Variants in SBF2 observed in about 807,000 individuals in gnomAD.
SBF2 encodes the protein SET binding factor 2, also known as myotubularin-related protein 13.
SBF2 carries 112 observed loss-of-function variants against 225.2 expected under a neutral mutation model. The observed-to-expected ratio is 0.50, with a 90% CI of 0.43 to 0.58. SBF2 has a LOEUF of 0.58. SBF2 is among the 20% of genes least tolerant of loss of function. The pLI is 0.00. For missense variants in SBF2, 1,996 were observed against 2,206.2 expected (o/e 0.90, Z 1.91); for synonymous variants, 763 against 773.3 (o/e 0.99, Z 0.22).
chr11:10,049,562 G>A (rs1332581756), intron 2 of SBF2, among the ~76,000 whole-genome samples: 2 of 151,950 alleles, frequency 1.3e-5, no homozygotes, highest in Non-Finnish European at 2.9e-5. Flanking sequence ...AGCAAAGATC[G>A]CGCTATTGCA....
rs559266284 is a variant in SBF2 at position 10,005,206 on chromosome 11, T to C, written c.620-2517A>G. On this transcript the variant is annotated intron_variant, in intron 6 of 39. Coordinates refer to ENST00000256190, the MANE Select transcript of SBF2 (RefSeq NM_030962.4). ...GCGAGCGGGCTCATGCCTGTGTAGTTAAGAGGCAAAATGGCAGAGTTTAAC... is the reference window on the plus strand; with the variant it reads ...GCGAGCGGGCTCATGCCTGTGTAGTCAAGAGGCAAAATGGCAGAGTTTAAC... 3.3e-5 allele frequency among the ~76,000 whole-genome samples: 5 copies of C among 152,320 alleles called. No homozygotes were observed. The South Asian group carries it at 1.0e-3, about 32-fold the overall frequency.
At chr11:10,287,741 G>A (rs2135577002) in intron 1 of SBF2, among the ~76,000 whole-genome samples, 1 of 152,278 alleles carries the variant, frequency 6.6e-6, no homozygotes, top group Middle Eastern at 3.4e-3. Flanking sequence ...AGAAACCTGT[G>A]GCTGGTGGCA....
chr11:9,868,375 G>A (rs1029768109), intron 17 of SBF2, among the ~76,000 whole-genome samples: 1 of 145,602 alleles, frequency 6.9e-6, no homozygotes, highest in Non-Finnish European at 1.5e-5. Flanking sequence ...AAAATTAGGC[G>A]GGTGTGGTGG....
chr11:9,967,156 G>A, intron 14 of SBF2, among the ~76,000 whole-genome samples: 1 of 152,116 alleles, frequency 6.6e-6, no homozygotes, highest in East Asian at 1.9e-4. Context: ...CAGATCACGA[G>A]GTCAGGAGGT....
At chr11:10,091,554 A>G (rs1229125006) in intron 2 of SBF2, among the ~76,000 whole-genome samples, 2 of 152,216 alleles carry the variant, frequency 1.3e-5, no homozygotes, top group Non-Finnish European at 2.9e-5. Context: ...TTCCGTTATA[A>G]GCTCTCAGGA....
At chr11:10,217,539 C>T (rs1958175181) in intron 1 of SBF2, among the ~76,000 whole-genome samples, 1 of 152,172 alleles carries the variant, frequency 6.6e-6, no homozygotes, top group Non-Finnish European at 1.5e-5. Flanking sequence ...TAACCCCTGA[C>T]AACTTTACGT....
At chr11:9,911,032 C>T (rs1428599622) in intron 16 of SBF2, among the ~76,000 whole-genome samples, 2 of 149,580 alleles carry the variant, frequency 1.3e-5, no homozygotes, top group Non-Finnish European at 3.0e-5. Flanking sequence ...GCACTCCAGC[C>T]TGGTGACACA....
chr11:9,984,642 G>C lies in SBF2; in HGVS notation c.1395+4855C>G, dbSNP rs538945171. Among the ~76,000 whole-genome samples, 3 of 152,292 alleles carry C rather than the reference G, an allele frequency of 2.0e-5. No homozygotes were observed. In the East Asian group the frequency reaches 5.8e-4, roughly 29 times the overall value. On this transcript the variant is annotated intron_variant, in intron 13 of 39. Coordinates refer to ENST00000256190, the MANE Select transcript of SBF2 (RefSeq NM_030962.4). Reference sequence around the variant, plus strand: ...GCACATTGTCATCAGGTTATTCAAAGTTAAGACGAAGGAAAGAATCTTAAG... The same window carrying C: ...GCACATTGTCATCAGGTTATTCAAACTTAAGACGAAGGAAAGAATCTTAAG...
At chr11:9,866,035 G>A (rs1858192486) in intron 17 of SBF2, among the ~76,000 whole-genome samples, 1 of 152,110 alleles carries the variant, frequency 6.6e-6, no homozygotes, top group Non-Finnish European at 1.5e-5. Context: ...AGTAGGGCCT[G>A]GAAGTACTTG....
At chr11:10,299,740 G>A (rs1284751540) in intron 1 of SBF2, among the ~76,000 whole-genome samples, 2 of 151,106 alleles carry the variant, frequency 1.3e-5, no homozygotes, top group African/African-American at 4.9e-5. Flanking sequence ...AAATGTTATG[G>A]GGGGACTAGA....
At chr11:9,832,117 T>G in intron 27 of SBF2, 107 bp downstream of exon 27, 5 of 964,174 alleles carry the variant, frequency 5.2e-6, no homozygotes, top group Non-Finnish European at 8.1e-6. Context: ...AGTTTGTGTG[T>G]GAGACAAGAC....
rs1422393363 is a variant in SBF2, at chr11:9,795,968, C to G, written c.4444-11G>C. 1 of 1,612,054 alleles carries G rather than the reference C, an allele frequency of 6.2e-7. No individual in the cohort carries two copies. The highest frequency in any genetic ancestry group is 1.7e-5 in the Admixed American group (1 of 60,012). On this transcript the variant is annotated splice_polypyrimidine_tract_variant and intron_variant, in intron 32 of 39. Coordinates refer to ENST00000256190, the MANE Select transcript of SBF2 (RefSeq NM_030962.4). ...ATACTGGTTGTGAACCTGAAACACA[C>G]AAGGCAAAGAAAAGAGTAAGAATCA...
Position 10,094,159 on chromosome 11 carries a change from T to A in SBF2, c.142-51178A>T, listed in dbSNP as rs778854181. ...CAGCCTGACCAACATGGTGAAACTCTGTCTCTACTAAAAATACAAAATTAG... is the reference window on the plus strand; with the variant it reads ...CAGCCTGACCAACATGGTGAAACTCAGTCTCTACTAAAAATACAAAATTAG... On this transcript the variant is annotated intron_variant, in intron 2 of 39. Transcript: ENST00000256190. Among the ~76,000 whole-genome samples the A allele has an allele frequency of 1.6e-4, 25 of 152,062 alleles. 1 individual carries two copies. Among genetic ancestry groups the A allele is most frequent in the Non-Finnish European group, 4.4e-5 (3 of 68,008 alleles).
chr11:10,254,828 G>A (rs966987968), intron 1 of SBF2, among the ~76,000 whole-genome samples: 1 of 133,400 alleles, frequency 7.5e-6, no homozygotes, highest in Non-Finnish European at 1.5e-5. Context: ...TTGAACCCAA[G>A]AGGTGGAGGT....
intron 1 of SBF2, among the ~76,000 whole-genome samples, chr11:10,239,320 G>C (rs779325560): frequency 6.7e-6 from 1 of 150,296 alleles, no homozygotes; most frequent in African/African-American, 2.4e-5. Flanking sequence ...AAACCAATAA[G>C]ACTAAGATAA....
At chr11:10,160,868 C>T (rs758330454) in intron 2 of SBF2, among the ~76,000 whole-genome samples, 4 of 152,114 alleles carry the variant, frequency 2.6e-5, no homozygotes, top group Admixed American at 6.6e-5. Flanking sequence ...CAAAACTACA[C>T]GTGTACCACT....
intron 1 of SBF2, among the ~76,000 whole-genome samples, chr11:10,247,267 C>T (rs7947059): frequency 0.2 from 29,845 of 151,984 alleles, 3,108 homozygotes; most frequent in Middle Eastern, 0.26. Flanking sequence ...CATTAGCAAA[C>T]GAAATCAAGC....
At chr11:9,883,128 T>C (rs1173176135) in intron 17 of SBF2, among the ~76,000 whole-genome samples, 2 of 152,096 alleles carry the variant, frequency 1.3e-5, no homozygotes, top group Admixed American at 1.3e-4. Flanking sequence ...AGCGAGACTC[T>C]GTCTCAAAAA....
chr11:10,152,412 G>A (rs1397837948), intron 2 of SBF2, among the ~76,000 whole-genome samples: 1 of 152,044 alleles, frequency 6.6e-6, no homozygotes, highest in Non-Finnish European at 1.5e-5. Flanking sequence ...AGCCGGGCGT[G>A]GTGGTGCATG....
Sources: gnomAD v4.1 joint callset for allele counts (sites outside exome capture counted in the v4.1 genomes callset) on GRCh38, gnomAD v4.1.1 for gene constraint, MANE v1.5 for transcripts, NCBI Gene and HGNC (gene_info 2026-07-23, HGNC 2026-07-21) for gene names.